ESR1: variants seen among roughly 807,000 people sequenced by gnomAD.
ESR1 encodes the protein estrogen receptor 1, also known as estrogen receptor.
Under a neutral mutation model 52.7 loss-of-function variants are expected in ESR1, and 12 were observed. That is an observed-to-expected ratio of 0.23 (90% CI 0.15 to 0.37). The LOEUF is 0.37. ESR1 is among the 10% of genes least tolerant of loss of function. The pLI is 1.00. For missense variants in ESR1, 584 were observed against 779.7 expected (o/e 0.75, Z 2.99); for synonymous variants, 305 against 316.8 (o/e 0.96, Z 0.39).
chr6:151,714,532 C>T (rs1036400554), intron 2 of ESR1, among the ~76,000 whole-genome samples: 4 of 152,162 alleles, frequency 2.6e-5, no homozygotes, highest in Non-Finnish European at 5.9e-5. Flanking sequence ...GTATTGGGTG[C>T]ATATATATTT....
At chr6:151,814,856 C>T (rs1033175683) in intron 1 of ESR1, among the ~76,000 whole-genome samples, 1 of 152,192 alleles carries the variant, frequency 6.6e-6, no homozygotes, top group Non-Finnish European at 1.5e-5. Context: ...AGGTGAGATT[C>T]TAATACCAGA....
intron 2 of ESR1, among the ~76,000 whole-genome samples, chr6:151,754,559 T>C (rs1462712543): frequency 1.3e-5 from 2 of 152,234 alleles, no homozygotes; most frequent in Non-Finnish European, 2.9e-5. Flanking sequence ...CCGATGTCAC[T>C]TTTCAGTTTT....
chr6:151,694,762 G>C (rs1779203314), intron 1 of ESR1, among the ~76,000 whole-genome samples: 1 of 151,334 alleles, frequency 6.6e-6, no homozygotes, highest in Non-Finnish European at 1.5e-5. Context: ...ACTCCCACCT[G>C]GGCAACAGAG....
chr6:151,657,871 T>C (rs971897325), intron 1 of ESR1, among the ~76,000 whole-genome samples: 5 of 151,976 alleles, frequency 3.3e-5, no homozygotes, highest in Admixed American at 2.6e-4. Flanking sequence ...ATCTAATATC[T>C]TCCTCTAGTG....
At chr6:151,756,410 G>A (rs1040616971) in intron 2 of ESR1, among the ~76,000 whole-genome samples, 3 of 152,062 alleles carry the variant, frequency 2.0e-5, no homozygotes, top group Non-Finnish European at 2.9e-5. Flanking sequence ...ACCATGCCTG[G>A]CTAATTTTTG....
intron 3 of ESR1, among the ~76,000 whole-genome samples, chr6:151,942,076 A>G (rs1042147122): frequency 6.6e-6 from 1 of 152,174 alleles, no homozygotes; most frequent in Admixed American, 6.5e-5. Flanking sequence ...TGCTCTGATG[A>G]GTTGAGAGTA....
At chr6:151,856,122 T>C (rs912444480) in intron 2 of ESR1, among the ~76,000 whole-genome samples, 2 of 152,206 alleles carry the variant, frequency 1.3e-5, no homozygotes, top group African/African-American at 4.8e-5. Context: ...GTTTCTAGGA[T>C]GTGAGTGATG....
intron 2 of ESR1, among the ~76,000 whole-genome samples, chr6:151,737,219 T>C (rs900874846): frequency 3.9e-5 from 6 of 152,172 alleles, no homozygotes; most frequent in African/African-American, 1.4e-4. Flanking sequence ...TATTTGCAAA[T>C]CTGCAACAAA....
intron 4 of ESR1, among the ~76,000 whole-genome samples, chr6:151,993,510 G>A (rs2041212792): frequency 6.6e-6 from 1 of 152,116 alleles, no homozygotes; most frequent in Non-Finnish European, 1.5e-5. Context: ...TCAAGGAAAG[G>A]ACCAGAGGAG....
At chr6:152,124,768 G>T (rs1314298933) in intron 6 of ESR1, among the ~76,000 whole-genome samples, 1 of 152,112 alleles carries the variant, frequency 6.6e-6, no homozygotes, top group Non-Finnish European at 1.5e-5. Flanking sequence ...TAATGGAAAA[G>T]GAAAATAGAA....
chr6:151,999,249 C>T, intron 4 of ESR1, among the ~76,000 whole-genome samples: 2 of 152,180 alleles, frequency 1.3e-5, no homozygotes, highest in East Asian at 3.9e-4. Context: ...TTCTCAAAAT[C>T]ATCTTATAAT....
chr6:151,843,079 A>G (rs1784546807), intron 2 of ESR1, among the ~76,000 whole-genome samples: 1 of 152,218 alleles, frequency 6.6e-6, no homozygotes, highest in African/African-American at 2.4e-5. Context: ...CTCTGAGGAA[A>G]AAAGAAATGT....
chr6:152,109,845 G>A (rs1052504992), intron 6 of ESR1, among the ~76,000 whole-genome samples: 1 of 152,172 alleles, frequency 6.6e-6, no homozygotes, highest in Non-Finnish European at 1.5e-5. Flanking sequence ...GGGAAGGGTG[G>A]GGAGAATTTC....
At chr6:151,729,184 A>G (rs1782060542) in intron 2 of ESR1, among the ~76,000 whole-genome samples, 1 of 152,132 alleles carries the variant, frequency 6.6e-6, no homozygotes, top group African/African-American at 2.4e-5. Context: ...GCCCTCAGCA[A>G]AGAGGCCTAG....
chr6:151,836,605 G>T (rs1462620603), intron 1 of ESR1, among the ~76,000 whole-genome samples: 2 of 152,148 alleles, frequency 1.3e-5, no homozygotes, highest in Non-Finnish European at 2.9e-5. Context: ...GTTAAAATTG[G>T]GAGCAAATGA....
At chr6:151,758,058 G>C (rs1784411085) in intron 2 of ESR1, among the ~76,000 whole-genome samples, 1 of 152,186 alleles carries the variant, frequency 6.6e-6, no homozygotes, top group Non-Finnish European at 1.5e-5. Flanking sequence ...AAATCCCTGG[G>C]AGTTTTGAAT....
At chr6:152,062,104 G>C (rs906385907) in intron 6 of ESR1, among the ~76,000 whole-genome samples, 1 of 152,088 alleles carries the variant, frequency 6.6e-6, no homozygotes, top group African/African-American at 2.4e-5. Flanking sequence ...TAGCTGAATT[G>C]CAGCTTGTAT....
chr6:151,664,719 G>A (rs1241884269), intron 1 of ESR1, among the ~76,000 whole-genome samples: 1 of 152,190 alleles, frequency 6.6e-6, no homozygotes, highest in Non-Finnish European at 1.5e-5. Context: ...CCTATTCCAT[G>A]AGTAAAGTTC....
chr6:151,991,480 A>G (rs1047763924), intron 4 of ESR1, among the ~76,000 whole-genome samples: 2 of 152,164 alleles, frequency 1.3e-5, no homozygotes, highest in Non-Finnish European at 2.9e-5. Flanking sequence ...GGGGCTCCAA[A>G]TACGGTTGAA....
Sources: gnomAD v4.1 joint callset for allele counts (sites outside exome capture counted in the v4.1 genomes callset) on GRCh38, gnomAD v4.1.1 for gene constraint, MANE v1.5 for transcripts, NCBI Gene and HGNC (gene_info 2026-07-23, HGNC 2026-07-21) for gene names.